Variants in EXOC4 observed in about 807,000 individuals in gnomAD.
EXOC4 encodes the protein SEC8-like 1.
A neutral mutation model predicts 107.2 loss-of-function variants in EXOC4; 71 were observed. That is an observed-to-expected ratio of 0.66 (90% confidence interval 0.55 to 0.81). The LOEUF (loss-of-function observed/expected upper bound fraction) is 0.81, where lower values mean the gene tolerates loss of function less well. Among genes scored for constraint, EXOC4 ranks in the 30% least tolerant of loss-of-function variants. The pLI is 0.00. For missense variants in EXOC4, 1,108 were observed against 1,189.6 expected (o/e 0.93, Z 1.01); for synonymous variants, 456 against 441.2 (o/e 1.03, Z -0.42).
chr7:133,782,387 C>G (rs921405468), intron 10 of EXOC4, among the ~76,000 whole-genome samples: 1 of 152,126 alleles, frequency 6.6e-6, no homozygotes, highest in African/African-American at 2.4e-5. Flanking sequence ...CACAAATGTA[C>G]CCATCCTTGG....
chr7:133,503,465 T>C (rs1403602143), intron 9 of EXOC4, among the ~76,000 whole-genome samples: 1 of 152,162 alleles, frequency 6.6e-6, no homozygotes, highest in African/African-American at 2.4e-5. Flanking sequence ...CTCAGCTTTA[T>C]TTGTCAGTCT....
At chr7:133,642,137 A>G (rs931160483) in intron 10 of EXOC4, among the ~76,000 whole-genome samples, 1 of 152,160 alleles carries the variant, frequency 6.6e-6, no homozygotes, top group African/African-American at 2.4e-5. Flanking sequence ...CAATATAGTC[A>G]TATTTTTCTG....
chr7:133,983,468 A>G (rs999299078), intron 14 of EXOC4, among the ~76,000 whole-genome samples: 1 of 152,116 alleles, frequency 6.6e-6, no homozygotes, highest in Non-Finnish European at 1.5e-5. Context: ...CTTTAGTTCT[A>G]TTTCCGCTTA....
intron 7 of EXOC4, among the ~76,000 whole-genome samples, chr7:133,403,282 G>A (rs1204261363): frequency 6.6e-6 from 1 of 152,162 alleles, no homozygotes; most frequent in Non-Finnish European, 1.5e-5. Flanking sequence ...CTATCCATAA[G>A]CATTTGTCAT....
At chr7:133,992,597 G>A (rs1794290334) in intron 14 of EXOC4, among the ~76,000 whole-genome samples, 1 of 151,490 alleles carries the variant, frequency 6.6e-6, no homozygotes, top group Non-Finnish European at 1.5e-5. Flanking sequence ...TTTTGTATGT[G>A]GATTTTGTAT....
At chr7:134,084,709 T>TAAAAAAAAAAAAAAAAAA in the EXOC4 span, among the ~76,000 whole-genome samples, 184 of 83,096 alleles carry the variant, frequency 2.2e-3, 4 homozygotes, top group African/African-American at 8.8e-3. Flanking sequence ...GGTGCAGCCG[T>TAAAAAAAAAAAAAAAAAA]AAAAAAAAAA....
intron 14 of EXOC4, among the ~76,000 whole-genome samples, chr7:133,940,191 C>T (rs1419214783): frequency 1.3e-5 from 2 of 152,198 alleles, no homozygotes; most frequent in African/African-American, 2.4e-5. Context: ...TAGTACATAA[C>T]CTGTGTAGCA....
intron 14 of EXOC4, among the ~76,000 whole-genome samples, chr7:133,965,991 CTT>C (rs2116855111): frequency 6.6e-6 from 1 of 152,208 alleles, no homozygotes; most frequent in South Asian, 2.1e-4. Flanking sequence ...TGTGTCCTCT[CTT>C]ATTTCCTTGA....
chr7:133,584,574 G>GTTTTTTTT lies in EXOC4; in HGVS notation c.1418-45468_1418-45461dup, dbSNP rs67568218. Reference sequence around the variant, plus strand: ...AGGCCTTTGTTTTTTACGTATTTCAGTTTTTTTTTTGTTTTTTTTTTTGAG... The same window carrying GTTTTTTTT: ...AGGCCTTTGTTTTTTACGTATTTCAGTTTTTTTTTTTTTTTTTTGTTTTTTTTTTTGAG... On this transcript the variant is annotated intron_variant, in intron 9 of 17. Transcript: ENST00000253861. 8.1e-4 allele frequency among the ~76,000 whole-genome samples: 69 copies of GTTTTTTTT among 84,808 alleles called. 10 individuals are homozygous for GTTTTTTTT. Among genetic ancestry groups the GTTTTTTTT allele is most frequent in the Admixed American group, 1.6e-3 (9 of 5,640 alleles). The allele number at this position is 84,808 out of a possible 152,430, so 55.6% of individuals were successfully genotyped here.
At chr7:133,257,238 C>CCG (rs1554425676) in intron 1 of EXOC4, among the ~76,000 whole-genome samples, 8 of 67,412 alleles carry the variant, frequency 1.2e-4, no homozygotes, top group Non-Finnish European at 1.9e-4. Flanking sequence ...TGGAACTAAC[C>CCG]GGGGGGGACA....
chr7:133,952,821 C>A (rs915330709), intron 14 of EXOC4, among the ~76,000 whole-genome samples: 1 of 152,190 alleles, frequency 6.6e-6, no homozygotes, highest in Admixed American at 6.5e-5. Flanking sequence ...CATGTGTTAG[C>A]ACTCCCTTCT....
chr7:133,673,430 C>T (rs1793990212), intron 10 of EXOC4, among the ~76,000 whole-genome samples: 1 of 152,174 alleles, frequency 6.6e-6, no homozygotes, highest in South Asian at 2.1e-4. Flanking sequence ...GTTAACCTTG[C>T]ATCTCCTGTC....
intron 13 of EXOC4, among the ~76,000 whole-genome samples, chr7:133,927,351 C>T (rs1800075257): frequency 1.3e-5 from 2 of 152,158 alleles, no homozygotes; most frequent in African/African-American, 4.8e-5. Flanking sequence ...ATGCAGAAAT[C>T]TAGCAGAGCC....
At chr7:133,821,659 A>G (rs1563013427) in intron 11 of EXOC4, among the ~76,000 whole-genome samples, 1 of 152,184 alleles carries the variant, frequency 6.6e-6, no homozygotes, top group Non-Finnish European at 1.5e-5. Flanking sequence ...CCATAGTTAG[A>G]GAAGAACTGT....
At chr7:134,063,339 C>T (rs1262413302) in intron 17 of EXOC4, among the ~76,000 whole-genome samples, 1 of 152,216 alleles carries the variant, frequency 6.6e-6, no homozygotes, top group Non-Finnish European at 1.5e-5. Context: ...TCCTCCTCTG[C>T]TATTAACGCA....
At chr7:134,061,823 A>G (rs1382032249) in intron 17 of EXOC4, among the ~76,000 whole-genome samples, 1 of 152,218 alleles carries the variant, frequency 6.6e-6, no homozygotes, top group Non-Finnish European at 1.5e-5. Context: ...TGTAGGATAA[A>G]TATTAATATG....
chr7:133,472,997 C>T (rs1240341676), intron 7 of EXOC4, among the ~76,000 whole-genome samples: 3 of 152,170 alleles, frequency 2.0e-5, no homozygotes, highest in African/African-American at 4.8e-5. Context: ...AGTGTATTTT[C>T]ATGCTTTGGT....
chr7:133,565,967 A>G (rs1800898486), intron 9 of EXOC4, among the ~76,000 whole-genome samples: 1 of 152,206 alleles, frequency 6.6e-6, no homozygotes, highest in African/African-American at 2.4e-5. Context: ...AGTATACCCA[A>G]GATACAAGGC....
intron 9 of EXOC4, among the ~76,000 whole-genome samples, chr7:133,519,729 G>A (rs958484705): frequency 3.6e-4 from 55 of 152,316 alleles, no homozygotes; most frequent in African/African-American, 1.3e-3. Context: ...GAGAAGTTGA[G>A]CATTTGTCGG....
Sources: gnomAD v4.1 joint callset for allele counts (sites outside exome capture counted in the v4.1 genomes callset) on GRCh38, gnomAD v4.1.1 for gene constraint, MANE v1.5 for transcripts, NCBI Gene and HGNC (gene_info 2026-07-23, HGNC 2026-07-21) for gene names.